Variants in PDE8B observed in about 807,000 individuals in gnomAD.
The protein encoded by PDE8B is high affinity cAMP-specific and IBMX-insensitive 3',5'-cyclic phosphodiesterase 8B.
PDE8B carries 26 observed loss-of-function variants against 101.3 expected under a neutral mutation model. The observed-to-expected ratio is 0.26, with a 90% CI of 0.19 to 0.36. The LOEUF (loss-of-function observed/expected upper bound fraction) is 0.36, where lower values mean the gene tolerates loss of function less well. Among genes scored for constraint, PDE8B ranks in the 10% least tolerant of loss-of-function variants. PDE8B has a pLI of 1.00. For missense variants in PDE8B, 810 were observed against 1,163.1 expected (o/e 0.70, Z 4.42); for synonymous variants, 424 against 429.3 (o/e 0.99, Z 0.15).
In PDE8B at chr5:77,211,302, C is replaced by T; in HGVS notation, c.339+38C>T. On this transcript the variant is annotated intron_variant, in intron 1 of 21. Coordinates refer to ENST00000264917, the MANE Select transcript of PDE8B (RefSeq NM_003719.5). This position sits in a 1 kb window ranked among gnomAD's most constrained non-coding sequence, Gnocchi z 4.1. ...CGCTGGCACACGCCGTGGGGGCCGT[C>T]CGCCCCGTCGGCGGGGCTCGCACGG... 1 of 1,516,694 alleles carries T rather than the reference C, an allele frequency of 6.6e-7. No homozygotes were observed. The highest frequency in any genetic ancestry group is 8.8e-7 in the Non-Finnish European group (1 of 1,138,562). 94.0% of individuals were successfully genotyped at this position (1,516,694 alleles called of 1,614,324 possible).
At chr5:77,243,173 C>CT (rs1756132790) in intron 1 of PDE8B, among the ~76,000 whole-genome samples, 1 of 152,014 alleles carries the variant, frequency 6.6e-6, no homozygotes, top group South Asian at 2.1e-4. Flanking sequence ...TTGAGCCTAA[C>CT]TTTTTTGGAG....
At chr5:77,339,084 C>G in intron 6 of PDE8B, among the ~76,000 whole-genome samples, 1 of 152,070 alleles carries the variant, frequency 6.6e-6, no homozygotes, top group East Asian at 1.9e-4. Flanking sequence ...TAAAGAAAAG[C>G]CTTCAGGTTA....
At chr5:77,349,580 C>T (rs755766758) in intron 8 of PDE8B, 21 bp downstream of exon 8, 12 of 1,613,720 alleles carry the variant, frequency 7.4e-6, no homozygotes, top group South Asian at 1.1e-5. Flanking sequence ...CCAGCAAAAC[C>T]AATCCACGAA....
intron 10 of PDE8B, among the ~76,000 whole-genome samples, chr5:77,392,283 C>A (rs979316138): frequency 1.3e-5 from 2 of 152,104 alleles, no homozygotes; most frequent in African/African-American, 4.8e-5. Context: ...TGCAGACCTA[C>A]CCCCCAAAGT....
At chr5:77,294,857 T>C (rs1580849478) in intron 1 of PDE8B, among the ~76,000 whole-genome samples, 1 of 148,182 alleles carries the variant, frequency 6.7e-6, no homozygotes, top group Non-Finnish European at 1.5e-5. Flanking sequence ...TTATATAATA[T>C]ATATATGATA....
At chr5:77,260,168 A>G (rs1311558517) in intron 1 of PDE8B, among the ~76,000 whole-genome samples, 1 of 148,620 alleles carries the variant, frequency 6.7e-6, no homozygotes, top group Non-Finnish European at 1.5e-5. Context: ...AAAAAAAAAA[A>G]AAAAAGAAAA....
the PDE8B span, among the ~76,000 whole-genome samples, chr5:77,109,481 A>G: frequency 6.6e-6 from 1 of 152,318 alleles, no homozygotes; most frequent in Non-Finnish European, 1.5e-5. Context: ...GTGACCTTAT[A>G]CCTCATTCCC....
At chr5:77,136,558 T>C in the PDE8B span, among the ~76,000 whole-genome samples, 37 of 152,364 alleles carry the variant, frequency 2.4e-4, no homozygotes, top group Admixed American at 2.2e-3. Context: ...GGGTGACCTC[T>C]CCTCAGCCTC....
chr5:77,417,927 T>TG (rs1795900774), intron 17 of PDE8B, among the ~76,000 whole-genome samples: 2 of 152,130 alleles, frequency 1.3e-5, no homozygotes, highest in Non-Finnish European at 2.9e-5. Flanking sequence ...GTGGCAGAAA[T>TG]ACCATACAGT....
At chr5:77,205,643 G>A (rs1295712179), upstream of PDE8B, among the ~76,000 whole-genome samples, 4 of 152,158 alleles carry the variant, frequency 2.6e-5, no homozygotes, top group African/African-American at 9.7e-5. Flanking sequence ...AGAGAATTAG[G>A]AAATATTACA....
intron 10 of PDE8B, among the ~76,000 whole-genome samples, chr5:77,377,983 G>A (rs906169114): frequency 2.7e-5 from 4 of 147,112 alleles, no homozygotes; most frequent in East Asian, 2.0e-4. Flanking sequence ...AACTCAGCTC[G>A]CTTGCTCGCT....
rs1554093056 is a variant in PDE8B, at chr5:77,378,049, C to CACACAT, written c.1168-22199_1168-22198insACACAT. 2.4e-3 allele frequency among the ~76,000 whole-genome samples: 356 copies of CACACAT among 148,486 alleles called. 5 individuals are homozygous for CACACAT. The highest frequency in any genetic ancestry group is 8.5e-3 in the African/African-American group (338 of 39,750). On this transcript the variant is annotated intron_variant, in intron 10 of 21. Transcript: ENST00000264917. ...ACACACACACACACACACACACACA[C>CACACAT]CCCCTGTTGGTTCTTTGTCTAGAGA...
At chr5:77,366,275 G>A (rs1304676433) in intron 10 of PDE8B, among the ~76,000 whole-genome samples, 4 of 152,142 alleles carry the variant, frequency 2.6e-5, no homozygotes, top group South Asian at 2.1e-4. Flanking sequence ...TCCCTGCGAC[G>A]CTGCACCACC....
At chr5:77,302,352 C>T (rs1026889554) in intron 1 of PDE8B, among the ~76,000 whole-genome samples, 1 of 152,168 alleles carries the variant, frequency 6.6e-6, no homozygotes, top group Non-Finnish European at 1.5e-5. Context: ...TTAAGAAAGA[C>T]CAGTGACAGT....
rs1554061217 is a variant in PDE8B, at chr5:77,233,696, G to GTGTA, written c.339+22435_339+22436insATGT. ...TGTGTGTGTGTGTGTGTGTGTGTGT[G>GTGTA]TGTGCAGTAGACTTTTGTTGCATTA... is the stretch of plus-strand genomic sequence containing the variant. On this transcript the variant is annotated intron_variant, in intron 1 of 21. Coordinates refer to ENST00000264917, the MANE Select transcript of PDE8B (RefSeq NM_003719.5). 3.3e-3 allele frequency among the ~76,000 whole-genome samples: 470 copies of GTGTA among 143,078 alleles called. 1 individual carries two copies. Among genetic ancestry groups the GTGTA allele is most frequent in the African/African-American group, 0.012 (447 of 37,396 alleles). 93.9% of individuals were successfully genotyped at this position (143,078 alleles called of 152,430 possible). A position where few individuals can be genotyped will look rare whatever the true frequency, so the allele number is the denominator to read the frequency against.
rs1469469913 is a variant in PDE8B, at chr5:77,211,461, G to GGGTCCTGGAAGCGTCCTTAGCT, written c.339+206_339+227dup. ...TGTGGTCAGAAAAAGGCCCCTGGAG[G>GGGTCCTGGAAGCGTCCTTAGCT]GGTCCTGGAAGCGTCCTTAGCTGGT... On this transcript the variant is annotated intron_variant, in intron 1 of 21. Coordinates refer to ENST00000264917, the MANE Select transcript of PDE8B (RefSeq NM_003719.5). This position sits in a 1 kb window ranked among gnomAD's most constrained non-coding sequence, Gnocchi z 4.1. Among the ~76,000 whole-genome samples the GGGTCCTGGAAGCGTCCTTAGCT allele has an allele frequency of 6.6e-6, 1 of 152,242 alleles. No homozygotes were observed. The highest frequency in any genetic ancestry group is 1.9e-4 in the East Asian group (1 of 5,176).
rs1554093056 is a variant in PDE8B, at chr5:77,378,049, C to CACACACACACACAT, written c.1168-22199_1168-22198insACACACACACACAT. 5.9e-3 allele frequency among the ~76,000 whole-genome samples: 879 copies of CACACACACACACAT among 148,472 alleles called. 29 individuals carry two copies. The highest frequency in any genetic ancestry group is 0.021 in the African/African-American group (834 of 39,738). ...ACACACACACACACACACACACACACCCCCTGTTGGTTCTTTGTCTAGAGA... is the reference window on the plus strand; with the variant it reads ...ACACACACACACACACACACACACACACACACACACACATCCCCTGTTGGTTCTTTGTCTAGAGA... On this transcript the variant is annotated intron_variant, in intron 10 of 21. Coordinates refer to ENST00000264917, the MANE Select transcript of PDE8B (RefSeq NM_003719.5).
chr5:77,100,468 G>A, the PDE8B span: 1 of 152,276 alleles, frequency 6.6e-6, no homozygotes, highest in Non-Finnish European at 1.5e-5. Context: ...GGAAAGAAAA[G>A]GCAAACCAAT....
At chr5:77,345,277 G>T in intron 7 of PDE8B, among the ~76,000 whole-genome samples, 1 of 152,124 alleles carries the variant, frequency 6.6e-6, no homozygotes, top group Non-Finnish European at 1.5e-5. Flanking sequence ...AGTGATTCTT[G>T]TGCCTCTAAG....
Sources: gnomAD v4.1 joint callset for allele counts (sites outside exome capture counted in the v4.1 genomes callset) on GRCh38, gnomAD v4.1.1 for gene constraint, Gnocchi (gnomAD v3.1) non-coding constraint, MANE v1.5 for transcripts, NCBI Gene and HGNC (gene_info 2026-07-23, HGNC 2026-07-21) for gene names.